TCF7L2: variants seen among roughly 807,000 people sequenced by gnomAD.
TCF7L2 encodes transcription factor 7 like 2.
A neutral mutation model predicts 77.9 loss-of-function variants in TCF7L2; 23 were observed. The observed-to-expected ratio is 0.30, with a 90% confidence interval of 0.21 to 0.42. TCF7L2 has a LOEUF of 0.42. Among genes scored for constraint, TCF7L2 ranks in the 10% least tolerant of loss-of-function variants. The pLI is 1.00. For synonymous variants in TCF7L2, 413 were observed against 340.2 expected, an observed-to-expected ratio of 1.21 and a Z score of -2.36; for missense variants, 654 against 793.1, an observed-to-expected ratio of 0.82 and a Z score of 2.11.
At chr10:113,020,734 C>T (rs190292348) in intron 4 of TCF7L2, among the ~76,000 whole-genome samples, 2 of 151,942 alleles carry the variant, frequency 1.3e-5, no homozygotes, top group Admixed American at 6.6e-5. Context: ...TTTATAGATG[C>T]GTTAACCAGG....
intron 5 of TCF7L2, among the ~76,000 whole-genome samples, chr10:113,082,772 G>A (rs780165761): frequency 3.3e-5 from 5 of 152,116 alleles, no homozygotes; most frequent in Non-Finnish European, 7.3e-5. Flanking sequence ...CCGCCCCTCT[G>A]TGTTCTGCTA....
At chr10:113,059,680 G>A (rs551241433) in intron 5 of TCF7L2, among the ~76,000 whole-genome samples, 11 of 152,298 alleles carry the variant, frequency 7.2e-5, no homozygotes, top group African/African-American at 2.6e-4. Flanking sequence ...ACTGGACAAT[G>A]TCTCAATTGT....
intron 4 of TCF7L2, among the ~76,000 whole-genome samples, chr10:112,974,842 A>C (rs560250931): frequency 2.0e-5 from 3 of 152,352 alleles, no homozygotes; most frequent in African/African-American, 7.2e-5. Context: ...TTAGCTGAGC[A>C]CAGAAATTTC....
intron 5 of TCF7L2, chr10:113,089,325 G>A: frequency 1.3e-6 from 2 of 1,513,446 alleles, no homozygotes; most frequent in South Asian, 2.6e-5. Context: ...GGAAGGCTGG[G>A]GGCTGTGTGT....
intron 5 of TCF7L2, among the ~76,000 whole-genome samples, chr10:113,117,421 CTCTCTCT>C (rs2063945992): frequency 4.5e-5 from 2 of 44,844 alleles, no homozygotes; most frequent in Non-Finnish European, 9.4e-5. Flanking sequence ...CTCTCTCTCT[CTCTCTCT>C]CTCTCCCTCT....
At chr10:112,952,613 G>C (rs977414410) in intron 3 of TCF7L2, among the ~76,000 whole-genome samples, 1 of 152,202 alleles carries the variant, frequency 6.6e-6, no homozygotes. Flanking sequence ...TGGGCCCCAG[G>C]GGGGCCAGAG....
chr10:113,097,777 C>T (rs545322488), intron 5 of TCF7L2, among the ~76,000 whole-genome samples: 28 of 150,900 alleles, frequency 1.9e-4, no homozygotes, highest in African/African-American at 6.3e-4. Flanking sequence ...CATGGCCAGA[C>T]GCAGTGGCTC....
chr10:113,039,959 C>G (rs922220975), intron 4 of TCF7L2, 66 bp from the exon 5 acceptor site: 8 of 1,371,352 alleles, frequency 5.8e-6, no homozygotes, highest in African/African-American at 4.3e-5. Flanking sequence ...ATTTCTTGGG[C>G]TAGTTGTTCT....
chr10:113,131,330 A>C (rs763444368), intron 5 of TCF7L2, among the ~76,000 whole-genome samples: 2 of 152,222 alleles, frequency 1.3e-5, no homozygotes, highest in Non-Finnish European at 2.9e-5. Flanking sequence ...TGAGCGTAAA[A>C]TAATGATGGG....
chr10:113,159,346 G>T (rs1009743438), intron 12 of TCF7L2, among the ~76,000 whole-genome samples: 2 of 151,772 alleles, frequency 1.3e-5, no homozygotes, highest in Non-Finnish European at 2.9e-5. Flanking sequence ...AAAGACGAAC[G>T]TTCCAAAAGC....
At chr10:113,117,423 CTCTCT>C in intron 5 of TCF7L2, among the ~76,000 whole-genome samples, 1 of 42,824 alleles carries the variant, frequency 2.3e-5, no homozygotes, top group Non-Finnish European at 4.9e-5. Context: ...CTCTCTCTCT[CTCTCT>C]CTCTCCCTCT....
At chr10:113,145,838 A>G (rs933452297) in intron 7 of TCF7L2, among the ~76,000 whole-genome samples, 173 bp from the exon 8 acceptor site, 1 of 152,124 alleles carries the variant, frequency 6.6e-6, no homozygotes, top group African/African-American at 2.4e-5. Context: ...ATGGCATTCA[A>G]ATTGTTCTGT....
rs533619082 is a variant in TCF7L2, at chr10:113,166,714, GT to G, written c.*749del. 1.1e-4 allele frequency: 25 copies of G among 229,130 alleles called. No homozygotes were observed. The South Asian group carries it at 1.3e-3, about 12-fold the overall frequency. The allele number at this position is 229,130 out of a possible 1,614,324, so 14.2% of individuals were successfully genotyped here. A position where few individuals can be genotyped will look rare whatever the true frequency, so the allele number is the denominator to read the frequency against. ...TTCCTTTTTCTTGAAACTGTATAAA[GT>G]TTTTTTCCCCCTTAGCATAAGCATC... On this transcript the variant is annotated 3_prime_UTR_variant, in exon 14 of 14. Coordinates refer to ENST00000627217, the MANE Select transcript of TCF7L2 (RefSeq NM_001146274.2).
intron 3 of TCF7L2, 56 bp downstream of exon 3, chr10:112,951,663 C>T (rs1320671119): frequency 9.6e-7 from 1 of 1,044,112 alleles, no homozygotes; most frequent in South Asian, 4.5e-5. Flanking sequence ...CGCCGCCCGC[C>T]GGGCCCCGCA....
At chr10:113,079,721 A>C (rs1334918338) in intron 5 of TCF7L2, among the ~76,000 whole-genome samples, 1 of 151,994 alleles carries the variant, frequency 6.6e-6, no homozygotes, top group African/African-American at 2.4e-5. Flanking sequence ...GCAATGGTGT[A>C]ATCTCGGCTC....
At chr10:112,976,911 T>G (rs114322470) in intron 4 of TCF7L2, among the ~76,000 whole-genome samples, 4,362 of 152,248 alleles carry the variant, frequency 0.029, 103 homozygotes, top group African/African-American at 0.054. Flanking sequence ...GGTGTCTATT[T>G]CTATGACCAT....
chr10:112,965,847 T>C (rs1375437716), intron 4 of TCF7L2, among the ~76,000 whole-genome samples: 1 of 152,166 alleles, frequency 6.6e-6, no homozygotes, highest in African/African-American at 2.4e-5. Context: ...CTAGTGTTTC[T>C]GTACTCATTT....
At chr10:113,118,648 T>G (rs545662319) in intron 5 of TCF7L2, among the ~76,000 whole-genome samples, 3 of 33,736 alleles carry the variant, frequency 8.9e-5, no homozygotes, top group African/African-American at 3.2e-4. Context: ...GGGAAGTTTT[T>G]TTTTTGTTTT....
At chr10:112,990,591 C>T (rs1294257522) in intron 4 of TCF7L2, among the ~76,000 whole-genome samples, 1 of 152,038 alleles carries the variant, frequency 6.6e-6, no homozygotes, top group Non-Finnish European at 1.5e-5. Flanking sequence ...CCTGTAGTCC[C>T]AGCTACTGGG....
Sources: gnomAD v4.1 joint callset for allele counts (sites outside exome capture counted in the v4.1 genomes callset) on GRCh38, gnomAD v4.1.1 for gene constraint, MANE v1.5 for transcripts, NCBI Gene and HGNC (gene_info 2026-07-23, HGNC 2026-07-21) for gene names.